VRK1: variants seen among roughly 807,000 people sequenced by gnomAD.
The protein encoded by VRK1 is VRK serine/threonine kinase 1.
Under a neutral mutation model 57.1 loss-of-function variants are expected in VRK1, and 33 were observed. The ratio of observed to expected loss-of-function variants is 0.58; its 90% CI spans 0.44 to 0.77. The LOEUF (loss-of-function observed/expected upper bound fraction) is 0.77. VRK1 is among the 30% of genes least tolerant of loss of function. The pLI is 0.00. For synonymous variants in VRK1, 137 were observed against 147.8 expected (o/e 0.93, Z 0.53); for missense variants, 413 against 477.3 (o/e 0.87, Z 1.25).
At chr14:96,827,027 C>G (rs1174386541) in intron 1 of VRK1, among the ~76,000 whole-genome samples, 1 of 151,956 alleles carries the variant, frequency 6.6e-6, no homozygotes, top group Non-Finnish European at 1.5e-5. Flanking sequence ...ACTGTGTTCT[C>G]TAAAGAAAGG....
At position 96,799,792 on chromosome 14, in the gene VRK1, G is replaced by T. The variant is rs148935464; in HGVS notation, c.-6+2345G>T. Among the ~76,000 whole-genome samples, 118 of 152,256 alleles carry T rather than the reference G, an allele frequency of 7.8e-4. 1 individual carries two copies. Among genetic ancestry groups the T allele is most frequent in the African/African-American group, 2.7e-3 (113 of 41,542 alleles). ...GACTGGTAGGATATTTTACATGCTT[G>T]CCAGGGTTATTTTTCGGAGTAAGGA... On this transcript the variant is annotated intron_variant, in intron 1 of 12. Coordinates refer to ENST00000216639, the MANE Select transcript of VRK1 (RefSeq NM_003384.3).
chr14:96,870,653 A>G (rs1241588468), intron 11 of VRK1, among the ~76,000 whole-genome samples: 2 of 152,206 alleles, frequency 1.3e-5, no homozygotes, highest in African/African-American at 2.4e-5. Flanking sequence ...GCTGCCAACA[A>G]GTTGGAAGTT....
Position 96,837,737 on chromosome 14 carries a change from T to C in VRK1, c.161-25T>C, listed in dbSNP as rs754819666. The C allele has an allele frequency of 6.7e-6, 10 of 1,484,596 alleles. 2 individuals are homozygous for C. In the South Asian group the frequency reaches 1.1e-4, roughly 16 times the overall value. 92.0% of individuals were successfully genotyped at this position (1,484,596 alleles called of 1,614,324 possible). On this transcript the variant is annotated intron_variant, in intron 2 of 12. Coordinates refer to ENST00000216639, the MANE Select transcript of VRK1 (RefSeq NM_003384.3). Reference sequence around the variant, plus strand: ...ATTTATAATATTACTTGTTCTGATATCAAATATTTTACTTTTTTAAACAGC... The same window carrying C: ...ATTTATAATATTACTTGTTCTGATACCAAATATTTTACTTTTTTAAACAGC...
chr14:96,858,069 G>A (rs1438857358), intron 10 of VRK1, among the ~76,000 whole-genome samples: 1 of 151,412 alleles, frequency 6.6e-6, no homozygotes, highest in East Asian at 1.9e-4. Flanking sequence ...TTTTGTTATT[G>A]TTGTTGTTTT....
At chr14:96,853,941 C>T (rs927820483) in intron 7 of VRK1, among the ~76,000 whole-genome samples, 2 of 152,104 alleles carry the variant, frequency 1.3e-5, no homozygotes, top group African/African-American at 4.8e-5. Flanking sequence ...CTCTGTACTT[C>T]ATTCTTTCTC....
At chr14:96,864,155 T>C (rs1408002265) in intron 11 of VRK1, among the ~76,000 whole-genome samples, 5 of 152,212 alleles carry the variant, frequency 3.3e-5, no homozygotes, top group African/African-American at 9.7e-5. Flanking sequence ...TAACAATTTT[T>C]TTCTTTAGGT....
At chr14:96,800,219 G>T (rs892828931) in intron 1 of VRK1, among the ~76,000 whole-genome samples, 1 of 152,022 alleles carries the variant, frequency 6.6e-6, no homozygotes, top group African/African-American at 2.4e-5. Flanking sequence ...GATGCAGAGG[G>T]CTCTGTCCTT....
intron 7 of VRK1, 118 bp from the exon 8 acceptor site, chr14:96,855,106 T>G: frequency 7.0e-7 from 1 of 1,438,424 alleles, no homozygotes; most frequent in Non-Finnish European, 9.7e-7. Flanking sequence ...TGGAGTGTTA[T>G]GGAATGACCT....
chr14:96,860,973 T>G, intron 11 of VRK1: 1 of 341,128 alleles, frequency 2.9e-6, no homozygotes, highest in Non-Finnish European at 5.4e-6. Context: ...CTTGGAATAC[T>G]GATATCTGAC....
At chr14:96,875,939 T>G (rs777136033) in intron 11 of VRK1, 91 bp from the exon 12 acceptor site, 150 of 1,376,784 alleles carry the variant, frequency 1.1e-4, no homozygotes, top group Non-Finnish European at 1.5e-4. Context: ...CCTATATACA[T>G]TTATACACAC....
At chr14:96,807,920 T>G (rs1312259255) in intron 1 of VRK1, among the ~76,000 whole-genome samples, 1 of 152,038 alleles carries the variant, frequency 6.6e-6, no homozygotes, top group Non-Finnish European at 1.5e-5. Flanking sequence ...AAGAAGTCAC[T>G]CTCTCTGTCT....
At chr14:96,848,950 G>A (rs1175485049) in intron 5 of VRK1, among the ~76,000 whole-genome samples, 2 of 152,200 alleles carry the variant, frequency 1.3e-5, no homozygotes, top group Non-Finnish European at 2.9e-5. Flanking sequence ...GGAGATGAAC[G>A]TGAGCACAGG....
intron 11 of VRK1, among the ~76,000 whole-genome samples, chr14:96,870,352 G>A (rs761070201): frequency 1.3e-5 from 2 of 152,140 alleles, no homozygotes; most frequent in Non-Finnish European, 2.9e-5. Context: ...GCATGACCCG[G>A]CCACTCATTT....
chr14:96,846,294 ATGGGATTTGTGTGAAAGAATTC>A, intron 4 of VRK1, 130 bp downstream of exon 4: 2 of 886,850 alleles, frequency 2.3e-6, no homozygotes, highest in Non-Finnish European at 3.6e-6. Flanking sequence ...TTCCACTTAC[ATGGGATTTGTGTGAAAGAATTC>A]TGGTCTTTTA....
At chr14:96,820,106 A>C (rs926204656) in intron 1 of VRK1, among the ~76,000 whole-genome samples, 4 of 151,684 alleles carry the variant, frequency 2.6e-5, no homozygotes, top group African/African-American at 9.7e-5. Flanking sequence ...GCTTCTTCTC[A>C]GTCCAACCAC....
intron 1 of VRK1, among the ~76,000 whole-genome samples, chr14:96,809,568 T>TGC (rs1555358118): frequency 0.045 from 6,580 of 146,438 alleles, 581 homozygotes; most frequent in African/African-American, 0.16. Flanking sequence ...CTTGCTTGCT[T>TGC]TCTTTTTTTT....
chr14:96,863,650 A>G (rs907937531), intron 11 of VRK1, among the ~76,000 whole-genome samples: 2 of 152,094 alleles, frequency 1.3e-5, no homozygotes, highest in Non-Finnish European at 2.9e-5. Context: ...GACAGCCTAT[A>G]TTGTTGCTCC....
chr14:96,830,921 G>A (rs999249390), intron 1 of VRK1, among the ~76,000 whole-genome samples: 1 of 152,138 alleles, frequency 6.6e-6, no homozygotes, highest in Non-Finnish European at 1.5e-5. Flanking sequence ...TTCATCCCTA[G>A]CAGTTTCTCC....
intron 11 of VRK1, among the ~76,000 whole-genome samples, chr14:96,870,122 G>A (rs75470936): frequency 0.022 from 3,418 of 152,240 alleles, 51 homozygotes; most frequent in South Asian, 0.061. Flanking sequence ...TTATCACTGA[G>A]CATTTATGTA....
Sources: gnomAD v4.1 joint callset for allele counts (sites outside exome capture counted in the v4.1 genomes callset) on GRCh38, gnomAD v4.1.1 for gene constraint, MANE v1.5 for transcripts, NCBI Gene and HGNC (gene_info 2026-07-23, HGNC 2026-07-21) for gene names.